Variants in KALRN observed in about 807,000 individuals in gnomAD.
KALRN encodes kalirin.
In KALRN, 70 loss-of-function variants were observed where a neutral mutation model predicts 353.7. The observed-to-expected ratio is 0.20, with a 90% CI of 0.16 to 0.24. KALRN has a LOEUF of 0.24. KALRN is among the 10% of genes least tolerant of loss of function. KALRN has a pLI of 1.00. For missense variants in KALRN, 2,791 were observed against 3,756.7 expected (o/e 0.74, Z 6.72); for synonymous variants, 1,391 against 1,434.8 (o/e 0.97, Z 0.69).
chr3:124,664,358 T>TGCGC (rs1381474899), intron 45 of KALRN, among the ~76,000 whole-genome samples: 21 of 123,116 alleles, frequency 1.7e-4, no homozygotes, highest in Admixed American at 1.3e-3. Flanking sequence ...TGTGTGTGTG[T>TGCGC]GTGTGTGTGT....
chr3:124,453,615 A>G (rs1338605231), intron 21 of KALRN, among the ~76,000 whole-genome samples: 1 of 152,210 alleles, frequency 6.6e-6, no homozygotes, highest in Non-Finnish European at 1.5e-5. Context: ...AGATTGTAGC[A>G]TGGTTTAAAC....
intron 14 of KALRN, among the ~76,000 whole-genome samples, chr3:124,418,157 A>ATT (rs11418359): frequency 6.6e-5 from 10 of 150,758 alleles, no homozygotes; most frequent in South Asian, 2.1e-4. Flanking sequence ...TTTTATTTTT[A>ATT]TTTTTTTTTC....
intron 1 of KALRN, among the ~76,000 whole-genome samples, chr3:124,176,562 C>G (rs779489162): frequency 6.6e-6 from 1 of 152,090 alleles, no homozygotes; most frequent in East Asian, 1.9e-4. Context: ...ACTGTCAAGC[C>G]GAAGTTGGCT....
At position 124,227,987 on chromosome 3, in the gene KALRN, C is replaced by T. The variant is rs750936579; in HGVS notation, c.74-3C>T. On this transcript the variant is annotated splice_region_variant and splice_polypyrimidine_tract_variant and intron_variant, in intron 1 of 59. Coordinates refer to ENST00000682506, the MANE Select transcript of KALRN (RefSeq NM_001388419.1). ...TGATTCCTTCTGGTTTGTTGTCCCA[C>T]AGGGTCTTTTCGGAATGATGGTTTG... 6.2e-7 allele frequency: 1 copy of T among 1,613,654 alleles called. No individual in the cohort carries two copies. The highest frequency in any genetic ancestry group is 1.1e-5 in the South Asian group (1 of 91,084).
chr3:124,593,479 T>G (rs1287825375), intron 34 of KALRN, among the ~76,000 whole-genome samples: 1 of 152,154 alleles, frequency 6.6e-6, no homozygotes, highest in Non-Finnish European at 1.5e-5. Flanking sequence ...ACGCTCAAAT[T>G]TGAGGACTAC....
chr3:124,631,945 G>GAT (rs373453438), intron 34 of KALRN, among the ~76,000 whole-genome samples: 1 of 152,210 alleles, frequency 6.6e-6, no homozygotes, highest in African/African-American at 2.4e-5. Flanking sequence ...CCCTTCGCCA[G>GAT]ATGGCGTCAC....
intron 4 of KALRN, among the ~76,000 whole-genome samples, chr3:124,268,192 G>A (rs898825440): frequency 1.3e-5 from 2 of 152,104 alleles, no homozygotes; most frequent in African/African-American, 4.8e-5. Flanking sequence ...GAAAACCAAG[G>A]GCGCAGACTC....
chr3:124,343,435 C>T (rs2081976098), intron 9 of KALRN, among the ~76,000 whole-genome samples: 1 of 152,190 alleles, frequency 6.6e-6, no homozygotes, highest in Non-Finnish European at 1.5e-5. Flanking sequence ...GACAGGATTA[C>T]AGGCATGAGC....
intron 15 of KALRN, among the ~76,000 whole-genome samples, chr3:124,429,470 G>A (rs1314157981): frequency 6.6e-6 from 1 of 152,062 alleles, no homozygotes; most frequent in East Asian, 1.9e-4. Context: ...ACAGATGGGT[G>A]GTATTTACTG....
intron 1 of KALRN, among the ~76,000 whole-genome samples, chr3:124,127,250 TA>T (rs1303870149): frequency 2.0e-5 from 3 of 152,222 alleles, no homozygotes; most frequent in African/African-American, 7.2e-5. Context: ...TGATTCAGGT[TA>T]GGATTACCTA....
intron 34 of KALRN, among the ~76,000 whole-genome samples, chr3:124,594,979 A>T (rs1578214935): frequency 1.3e-5 from 2 of 149,414 alleles, no homozygotes; most frequent in Non-Finnish European, 3.0e-5. Context: ...TAAAAATTTT[A>T]TTTATTTATT....
intron 34 of KALRN, among the ~76,000 whole-genome samples, chr3:124,563,819 T>TG (rs1420488438): frequency 7.3e-5 from 11 of 151,688 alleles, no homozygotes; most frequent in Non-Finnish European, 1.2e-4. Flanking sequence ...CCTGGGCAAC[T>TG]TAGTGAGACC....
At position 124,413,472 on chromosome 3, in the gene KALRN, G is replaced by T; in HGVS notation, c.2349G>T (p.Val783=). 1.2e-6 allele frequency: 2 copies of T among 1,613,714 alleles called. No individual in the cohort carries two copies. The highest frequency in any genetic ancestry group is 2.2e-5 in the South Asian group (2 of 90,930). Residue 783 remains valine, a splice_region_variant and synonymous_variant, in exon 14 of 60, where the codon GTG becomes GTT. Coordinates refer to ENST00000682506, the MANE Select transcript of KALRN (RefSeq NM_001388419.1). The part of the protein sequence containing the change: ...LRIFEQYTIE[V]TAELDAWNED... ...TGATGACAGTGGTTCCCTCACAGGT[G>T]ACAGCAGAGCTAGACGCCTGGAATG...
chr3:124,496,454 G>T, intron 33 of KALRN, 41 bp downstream of exon 33: 1 of 1,464,352 alleles, frequency 6.8e-7, no homozygotes, highest in South Asian at 1.1e-5. Context: ...GAGACTTCTT[G>T]ATGGCTCAAC....
At chr3:124,203,562 C>T (rs77540657) in intron 1 of KALRN, among the ~76,000 whole-genome samples, 9,711 of 152,272 alleles carry the variant, frequency 0.064, 301 homozygotes, top group Middle Eastern at 0.088. Flanking sequence ...ACCCAGGCAG[C>T]AGCTTCCATG....
At chr3:124,136,319 T>A (rs758095277) in intron 1 of KALRN, among the ~76,000 whole-genome samples, 17 of 152,334 alleles carry the variant, frequency 1.1e-4, no homozygotes, top group Non-Finnish European at 2.4e-4. Flanking sequence ...CTTCAGCGTT[T>A]CTGATTCAGC....
At chr3:124,311,955 C>A (rs78641900) in intron 6 of KALRN, among the ~76,000 whole-genome samples, 6,613 of 152,162 alleles carry the variant, frequency 0.043, 198 homozygotes, top group Middle Eastern at 0.078. Context: ...ATAGGCAAAC[C>A]TTTAAAGAAG....
intron 34 of KALRN, among the ~76,000 whole-genome samples, chr3:124,604,748 A>G (rs6438851): frequency 0.6 from 90,546 of 151,724 alleles, 27,224 homozygotes; most frequent in East Asian, 0.83. Context: ...ATGCAGTGGT[A>G]CGATCATAGC....
chr3:124,642,806 G>GTTGTTTTTTTTTTGTTTTTTTT (rs796628603), intron 37 of KALRN, among the ~76,000 whole-genome samples: 1 of 96,840 alleles, frequency 1.0e-5, no homozygotes, highest in African/African-American at 4.5e-5. Context: ...CCCAAGCCTC[G>GTTGTTTTTTTTTTGTTTTTTTT]TTTTTTTTTT....
Sources: gnomAD v4.1 joint callset for allele counts (sites outside exome capture counted in the v4.1 genomes callset) on GRCh38, gnomAD v4.1.1 for gene constraint, MANE v1.5 for transcripts, NCBI Gene and HGNC (gene_info 2026-07-23, HGNC 2026-07-21) for gene names.